MEGF11: variants seen among roughly 807,000 people sequenced by gnomAD.
MEGF11 encodes multiple epidermal growth factor-like domains protein 11.
Under a neutral mutation model 146.6 loss-of-function variants are expected in MEGF11, and 126 were observed. The observed-to-expected ratio is 0.86, with a 90% confidence interval of 0.74 to 1.00. The LOEUF is 1.00. Among genes scored for constraint, MEGF11 ranks in the 50% least tolerant of loss-of-function variants. The pLI is 0.00. For synonymous variants in MEGF11, 532 were observed against 583.4 expected (o/e 0.91, Z 1.27); for missense variants, 1,509 against 1,521.2 (o/e 0.99, Z 0.13).
chr15:65,906,258 A>G (rs1477857682), intron 23 of MEGF11, 117 bp from the exon 24 acceptor site: 5 of 674,670 alleles, frequency 7.4e-6, no homozygotes, highest in Non-Finnish European at 1.3e-5. Flanking sequence ...CAGAAAATAA[A>G]TAGTTGTTTA....
chr15:66,149,407 G>A (rs1370867208), intron 1 of MEGF11, among the ~76,000 whole-genome samples: 1 of 152,102 alleles, frequency 6.6e-6, no homozygotes, highest in African/African-American at 2.4e-5. Context: ...CTACTTCAAG[G>A]GGTTCTTATG....
At position 65,897,899 on chromosome 15, in the gene MEGF11, A is replaced by G; in HGVS notation, c.*35T>C. 1 of 1,594,454 alleles carries G rather than the reference A, an allele frequency of 6.3e-7. No homozygotes were observed. The highest frequency in any genetic ancestry group is 8.6e-7 in the Non-Finnish European group (1 of 1,169,302). On this transcript the variant is annotated 3_prime_UTR_variant, in exon 26 of 26. Coordinates refer to ENST00000395614, the MANE Select transcript of MEGF11 (RefSeq NM_001385028.1). ...GTCTTCTTTCAGAGTCAGAATATTC[A>G]GTAGAGCACACTGCAAGAGAGAAGC...
At chr15:66,125,506 G>T (rs17241929) in intron 2 of MEGF11, among the ~76,000 whole-genome samples, 57,204 of 152,088 alleles carry the variant, frequency 0.38, 12,564 homozygotes, top group South Asian at 0.56. Context: ...CCTGTTGCCT[G>T]TTAGCAGCAT....
rs149794806 is a variant in MEGF11, at chr15:66,018,086, G to A, written c.395-35598C>T. On this transcript the variant is annotated intron_variant, in intron 5 of 25. Transcript: ENST00000395614. ...CTGGGGCACCAACATGTGTGTGATG[G>A]GGCAGTGCCCACCCCAGCAGGGTCC... Among the ~76,000 whole-genome samples the A allele has an allele frequency of 4.6e-3, 701 of 152,310 alleles. 8 individuals are homozygous for A. Among genetic ancestry groups the A allele is most frequent in the African/African-American group, 0.016 (658 of 41,564 alleles).
intron 1 of MEGF11, among the ~76,000 whole-genome samples, chr15:66,152,680 T>G (rs2089612642): frequency 6.6e-6 from 1 of 152,176 alleles, no homozygotes; most frequent in African/African-American, 2.4e-5. Context: ...AACCTCCCCT[T>G]CCTTGACAGG....
At chr15:65,915,764 G>C (rs1485703123) in intron 18 of MEGF11, among the ~76,000 whole-genome samples, 166 bp from the exon 19 acceptor site, 1 of 152,026 alleles carries the variant, frequency 6.6e-6, no homozygotes, top group East Asian at 1.9e-4. Context: ...GGGACACAGG[G>C]ACAGAGGAGG....
intron 5 of MEGF11, among the ~76,000 whole-genome samples, chr15:66,048,535 T>A (rs2084318159): frequency 6.6e-6 from 1 of 152,200 alleles, no homozygotes; most frequent in Non-Finnish European, 1.5e-5. Context: ...CCTGACTCCC[T>A]GCCCACAAAA....
chr15:65,953,134 A>G (rs2080463875), intron 10 of MEGF11, among the ~76,000 whole-genome samples: 1 of 152,142 alleles, frequency 6.6e-6, no homozygotes, highest in African/African-American at 2.4e-5. Flanking sequence ...GCATGGGGGA[A>G]GCAACGTTCC....
chr15:65,921,347 C>T (rs758102493), intron 15 of MEGF11, among the ~76,000 whole-genome samples: 3 of 152,196 alleles, frequency 2.0e-5, no homozygotes, highest in Non-Finnish European at 4.4e-5. Context: ...TGTGTTCAAA[C>T]CTGTTCTGAA....
intron 5 of MEGF11, among the ~76,000 whole-genome samples, chr15:66,043,539 C>A (rs2084077104): frequency 6.6e-6 from 1 of 152,228 alleles, no homozygotes; most frequent in African/African-American, 2.4e-5. Flanking sequence ...ACAAAAGAAG[C>A]CATATTTGAG....
In MEGF11 at chr15:66,226,826, T is replaced by G. The variant is rs115247537; in HGVS notation, c.-9+26779A>C. 3.5e-3 allele frequency among the ~76,000 whole-genome samples: 535 copies of G among 151,724 alleles called. 6 individuals carry two copies. The highest frequency in any genetic ancestry group is 0.012 in the African/African-American group (507 of 41,318). On this transcript the variant is annotated intron_variant, in intron 1 of 25. Transcript: ENST00000395614. The stretch of plus-strand genomic sequence containing the variant: ...TCACATGGGCACACAAACACACGTG[T>G]GTTCACACACATCCTCTAGCGCATG...
intron 5 of MEGF11, among the ~76,000 whole-genome samples, chr15:65,989,794 T>C (rs2081975086): frequency 6.6e-6 from 1 of 152,162 alleles, no homozygotes; most frequent in Non-Finnish European, 1.5e-5. Context: ...TTTGGATCAG[T>C]GGTTCTTGCC....
intron 1 of MEGF11, among the ~76,000 whole-genome samples, chr15:66,243,433 C>T (rs771623899): frequency 2.0e-5 from 3 of 152,232 alleles, no homozygotes; most frequent in Non-Finnish European, 1.5e-5. Context: ...AACCTGCCAA[C>T]CTGAGACACT....
At chr15:66,251,408 T>C (rs1170307744) in intron 1 of MEGF11, among the ~76,000 whole-genome samples, 1 of 152,108 alleles carries the variant, frequency 6.6e-6, no homozygotes, top group Non-Finnish European at 1.5e-5. Flanking sequence ...AAACAATGGC[T>C]CCTCTTTCCC....
intron 1 of MEGF11, among the ~76,000 whole-genome samples, chr15:66,183,395 G>C (rs2090605267): frequency 2.0e-5 from 3 of 152,078 alleles, no homozygotes; most frequent in African/African-American, 7.2e-5. Flanking sequence ...AGCTATTCGG[G>C]AGGCTGAGGC....
chr15:66,166,232 G>C (rs1428680105), intron 1 of MEGF11, among the ~76,000 whole-genome samples: 1 of 152,054 alleles, frequency 6.6e-6, no homozygotes, highest in Non-Finnish European at 1.5e-5. Flanking sequence ...GCCATGGGGA[G>C]CTCACCACCA....
At chr15:66,150,645 G>GAAGGAAGGAAGGAAGA (rs1835217066) in intron 1 of MEGF11, among the ~76,000 whole-genome samples, 1 of 150,626 alleles carries the variant, frequency 6.6e-6, no homozygotes, top group Admixed American at 6.6e-5. Context: ...AGGAAGGAAG[G>GAAGGAAGGAAGGAAGA]AAGAAAGGAA....
chr15:66,241,157 G>C (rs1258056358), intron 1 of MEGF11, among the ~76,000 whole-genome samples: 1 of 152,114 alleles, frequency 6.6e-6, no homozygotes, highest in African/African-American at 2.4e-5. Context: ...AATCTCCCCC[G>C]CAGCTGCTCC....
intron 5 of MEGF11, among the ~76,000 whole-genome samples, chr15:66,017,212 A>G (rs2082918908): frequency 6.6e-6 from 1 of 152,134 alleles, no homozygotes; most frequent in African/African-American, 2.4e-5. Flanking sequence ...ACGGCAGCCT[A>G]TCAGGCCTGG....
Sources: gnomAD v4.1 joint callset for allele counts (sites outside exome capture counted in the v4.1 genomes callset) on GRCh38, gnomAD v4.1.1 for gene constraint, MANE v1.5 for transcripts, NCBI Gene and HGNC (gene_info 2026-07-23, HGNC 2026-07-21) for gene names.